Variants in MDGA2 observed in about 807,000 individuals in gnomAD.
The protein encoded by MDGA2 is MAM domain-containing glycosylphosphatidylinositol anchor protein 2.
A neutral mutation model predicts 117.8 loss-of-function variants in MDGA2; 40 were observed. The ratio of observed to expected loss-of-function variants is 0.34; its 90% CI spans 0.26 to 0.44. The LOEUF is 0.44. Among genes scored for constraint, MDGA2 ranks in the 20% least tolerant of loss-of-function variants. MDGA2 has a pLI of 1.00. For synonymous variants in MDGA2, 452 were observed against 439.0 expected (o/e 1.03, Z -0.37); for missense variants, 1,123 against 1,250.6 (o/e 0.90, Z 1.54).
intron 2 of MDGA2, among the ~76,000 whole-genome samples, chr14:47,244,598 A>G (rs534301553): frequency 7.4e-4 from 112 of 151,824 alleles, no homozygotes; most frequent in African/African-American, 2.3e-3. Flanking sequence ...TGACTCTTGG[A>G]TCTATGTCAA....
chr14:46,849,413 A>G (rs1880972721), intron 15 of MDGA2, among the ~76,000 whole-genome samples: 1 of 151,914 alleles, frequency 6.6e-6, no homozygotes, highest in South Asian at 2.1e-4. Flanking sequence ...CTTGACTACA[A>G]TTATATTTCT....
intron 1 of MDGA2, among the ~76,000 whole-genome samples, chr14:47,593,476 AC>A (rs1344369659): frequency 6.6e-6 from 1 of 152,172 alleles, no homozygotes; most frequent in Non-Finnish European, 1.5e-5. Flanking sequence ...ATGGAATGAA[AC>A]TAAATGTCCA....
At chr14:46,913,871 T>C (rs1215087174) in intron 10 of MDGA2, among the ~76,000 whole-genome samples, 1 of 94,690 alleles carries the variant, frequency 1.1e-5, no homozygotes, top group Non-Finnish European at 2.2e-5. Flanking sequence ...GAAATTACCA[T>C]ATAACTAATT....
intron 14 of MDGA2, among the ~76,000 whole-genome samples, chr14:46,867,285 C>T (rs925279894): frequency 3.3e-5 from 5 of 151,940 alleles, no homozygotes; most frequent in Non-Finnish European, 5.9e-5. Context: ...AGTAAACTAT[C>T]GCAAGAACAA....
chr14:47,574,583 T>A (rs1335715127), intron 1 of MDGA2, among the ~76,000 whole-genome samples: 2 of 152,190 alleles, frequency 1.3e-5, no homozygotes, highest in Non-Finnish European at 2.9e-5. Flanking sequence ...AATATCTGAT[T>A]TCTGCCTTTA....
intron 2 of MDGA2, among the ~76,000 whole-genome samples, chr14:47,251,315 A>G (rs187074180): frequency 7.2e-5 from 11 of 152,312 alleles, no homozygotes; most frequent in African/African-American, 2.4e-4. Context: ...CTCATCATTC[A>G]GATCTCAGCA....
At chr14:47,405,805 C>A (rs1892248796) in intron 1 of MDGA2, among the ~76,000 whole-genome samples, 1 of 152,064 alleles carries the variant, frequency 6.6e-6, no homozygotes, top group South Asian at 2.1e-4. Context: ...ATGAAGCAAT[C>A]ATATAAATTT....
intron 1 of MDGA2, among the ~76,000 whole-genome samples, chr14:47,356,420 G>A (rs147987872): frequency 3.3e-5 from 5 of 152,206 alleles, no homozygotes; most frequent in East Asian, 1.9e-4. Context: ...CTTAGTTCCC[G>A]TGGCCAGTGG....
chr14:47,259,824 G>A (rs560828144), intron 2 of MDGA2, among the ~76,000 whole-genome samples: 1 of 152,058 alleles, frequency 6.6e-6, no homozygotes. Flanking sequence ...GCAGGATGTT[G>A]CACATTTAGA....
At chr14:47,176,364 C>G (rs1022573925) in intron 3 of MDGA2, among the ~76,000 whole-genome samples, 1 of 152,144 alleles carries the variant, frequency 6.6e-6, no homozygotes, top group African/African-American at 2.4e-5. Context: ...GCCAAAAGAA[C>G]AAAGCTGGAG....
chr14:46,897,366 A>G (rs1883115261), intron 10 of MDGA2, among the ~76,000 whole-genome samples: 1 of 152,144 alleles, frequency 6.6e-6, no homozygotes. Context: ...TTAGGAAATT[A>G]ACAGTTGGAG....
intron 1 of MDGA2, among the ~76,000 whole-genome samples, chr14:47,328,276 A>G (rs548291572): frequency 6.6e-6 from 1 of 152,294 alleles, no homozygotes; most frequent in South Asian, 2.1e-4. Context: ...ACAGAAAGGG[A>G]AAGATTTTCT....
At chr14:47,287,585 T>C (rs1888731345) in intron 2 of MDGA2, among the ~76,000 whole-genome samples, 1 of 152,098 alleles carries the variant, frequency 6.6e-6, no homozygotes, top group Non-Finnish European at 1.5e-5. Flanking sequence ...CAACATATTA[T>C]TATTAACTAT....
Position 47,674,675 on chromosome 14 carries a change from C to G in MDGA2, c.122G>C (p.Arg41Pro), listed in dbSNP as rs1430662046. 7.7e-7 allele frequency: 1 copy of G among 1,303,930 alleles called. No homozygotes were observed. Among genetic ancestry groups the G allele is most frequent in the Non-Finnish European group, 1.1e-6 (1 of 922,384 alleles). The allele number at this position is 1,303,930 out of a possible 1,614,324, so 80.8% of individuals were successfully genotyped here. The change falls in exon 1 of 17, where the codon CGA (arginine) becomes CCA (proline). Residue 41 changes from arginine to proline, a missense_variant. Arg to Pro is a moderately radical substitution (Grantham distance 103, BLOSUM62 -2). This residue lies in a region of MDGA2 where 233 missense variants were observed against 200.3 expected (regional missense o/e 1.16). Coordinates refer to ENST00000399232, the MANE Select transcript of MDGA2 (RefSeq NM_001113498.3). ...VPGHLGLARA[R>P]VERAWLAAGL... ...GGCGGCCAGCCAGGCGCGCTCCACT[C>G]GCGCCCGGGCCAAGCCGAGGTGCCC...
intron 1 of MDGA2, among the ~76,000 whole-genome samples, chr14:47,532,768 T>C (rs1895126199): frequency 6.6e-6 from 1 of 152,194 alleles, no homozygotes. Context: ...AGTCATTTTT[T>C]AAGGGAATAA....
intron 1 of MDGA2, among the ~76,000 whole-genome samples, chr14:47,313,205 A>G (rs1254095398): frequency 6.6e-6 from 1 of 152,094 alleles, no homozygotes; most frequent in African/African-American, 2.4e-5. Flanking sequence ...CAAATAAGCT[A>G]TTTAGACTTT....
chr14:47,321,243 T>C (rs1889970264), intron 1 of MDGA2, among the ~76,000 whole-genome samples: 1 of 152,196 alleles, frequency 6.6e-6, no homozygotes, highest in African/African-American at 2.4e-5. Flanking sequence ...GAGATTCTCT[T>C]ATGTGGCAGA....
At chr14:47,518,652 G>A (rs531168289) in intron 1 of MDGA2, among the ~76,000 whole-genome samples, 1 of 151,986 alleles carries the variant, frequency 6.6e-6, no homozygotes, top group Admixed American at 6.6e-5. Context: ...ATCTTTATAG[G>A]GAAACATTTT....
In MDGA2 at chr14:46,932,295, G is replaced by A. The variant is rs1884611987; in HGVS notation, c.2090-12135C>T. On this transcript the variant is annotated intron_variant, in intron 9 of 16. Coordinates refer to ENST00000399232, the MANE Select transcript of MDGA2 (RefSeq NM_001113498.3). ...GATCTTTAGACTTGTATGAAAACTT[G>A]TAACTTAGTCTTTTTATAATTTGCT... is the stretch of plus-strand genomic sequence containing the variant. 3.3e-5 allele frequency among the ~76,000 whole-genome samples: 5 copies of A among 151,646 alleles called. No individual in the cohort carries two copies. In the South Asian group the frequency reaches 1.0e-3, roughly 31 times the overall value.
Sources: gnomAD v4.1 joint callset for allele counts (sites outside exome capture counted in the v4.1 genomes callset) on GRCh38, gnomAD v4.1.1 for gene constraint, gnomAD v4.1.1 regional missense constraint, MANE v1.5 for transcripts, NCBI Gene and HGNC (gene_info 2026-07-23, HGNC 2026-07-21) for gene names.